FBXL7: variants seen among roughly 807,000 people sequenced by gnomAD.
FBXL7 encodes the protein F-box/LRR-repeat protein 7.
FBXL7 carries 12 observed loss-of-function variants against 38.3 expected under a neutral mutation model. That is an observed-to-expected ratio of 0.31 (90% CI 0.20 to 0.51). The LOEUF (loss-of-function observed/expected upper bound fraction) is 0.51, where lower values mean the gene tolerates loss of function less well. Among genes scored for constraint, FBXL7 ranks in the 20% least tolerant of loss-of-function variants. The probability of loss-of-function intolerance (pLI) is 0.98; values close to 1 mark genes in which losing one functional copy is unlikely to be tolerated. For missense variants in FBXL7, 567 were observed against 676.4 expected, an observed-to-expected ratio of 0.84 and a Z score of 1.79; for synonymous variants, 297 against 300.9, an observed-to-expected ratio of 0.99 and a Z score of 0.13.
intron 2 of FBXL7, among the ~76,000 whole-genome samples, chr5:15,783,776 G>T (rs1737062374): frequency 6.6e-6 from 1 of 152,170 alleles, no homozygotes; most frequent in South Asian, 2.1e-4. Flanking sequence ...ATGGGTGCTG[G>T]ATTATTGATA....
intron 2 of FBXL7, among the ~76,000 whole-genome samples, chr5:15,745,232 A>T (rs1394252122): frequency 6.6e-6 from 1 of 152,212 alleles, no homozygotes; most frequent in Non-Finnish European, 1.5e-5. Context: ...TTTCTCAAAA[A>T]AAAGGAATAA....
chr5:15,649,403 T>C (rs1229017513), intron 2 of FBXL7, among the ~76,000 whole-genome samples: 1 of 152,204 alleles, frequency 6.6e-6, no homozygotes, highest in African/African-American at 2.4e-5. Context: ...AAGTTATTAA[T>C]GTAGACAAGT....
rs536938263 is a variant in FBXL7 at position 15,586,430 on chromosome 5, G to A, written c.38-29553G>A. On this transcript the variant is annotated intron_variant, in intron 1 of 3. Transcript: ENST00000504595. ...CTCCTTTTCTTTCCCAAAGCACAAAGTGATGGGTTGGAATGGAAACATATA... is the reference window on the plus strand; with the variant it reads ...CTCCTTTTCTTTCCCAAAGCACAAAATGATGGGTTGGAATGGAAACATATA... Among the ~76,000 whole-genome samples, 16 of 150,720 alleles carry A rather than the reference G, an allele frequency of 1.1e-4. No homozygotes were observed. In the East Asian group the frequency reaches 3.2e-3, roughly 30 times the overall value.
intron 1 of FBXL7, among the ~76,000 whole-genome samples, chr5:15,506,000 T>G (rs1339481537): frequency 6.6e-6 from 1 of 152,190 alleles, no homozygotes; most frequent in Non-Finnish European, 1.5e-5. Flanking sequence ...GCTCTAACTT[T>G]TACAGTTTGA....
intron 2 of FBXL7, among the ~76,000 whole-genome samples, chr5:15,788,863 T>C (rs1357326272): frequency 2.6e-5 from 4 of 151,478 alleles, no homozygotes; most frequent in Non-Finnish European, 4.4e-5. Flanking sequence ...TATTTTTTTT[T>C]TTTTTTTTGA....
Position 15,767,966 on chromosome 5 carries a change from A to G in FBXL7, c.127+151894A>G, listed in dbSNP as rs111464343. On this transcript the variant is annotated intron_variant, in intron 2 of 3. Coordinates refer to ENST00000504595, the MANE Select transcript of FBXL7 (RefSeq NM_012304.5). ...ATGTTTGCTTCAAGAAAAATTTACT[A>G]CTTTTGTCATGTAGTAAATTTGTCA... Among the ~76,000 whole-genome samples the G allele has an allele frequency of 1.7e-3, 252 of 152,254 alleles. 1 individual carries two copies. Among genetic ancestry groups the G allele is most frequent in the African/African-American group, 5.6e-3 (232 of 41,540 alleles).
intron 2 of FBXL7, among the ~76,000 whole-genome samples, chr5:15,858,283 C>T (rs1398453442): frequency 2.6e-5 from 4 of 151,354 alleles, no homozygotes; most frequent in African/African-American, 9.7e-5. Context: ...ATCATTCAAA[C>T]ATTTTATCTA....
chr5:15,842,126 A>G (rs547072496), intron 2 of FBXL7, among the ~76,000 whole-genome samples: 1 of 152,182 alleles, frequency 6.6e-6, no homozygotes, highest in Non-Finnish European at 1.5e-5. Flanking sequence ...CAGACACTCA[A>G]CGCCATCAGT....
intron 2 of FBXL7, among the ~76,000 whole-genome samples, chr5:15,890,006 A>G (rs1740834258): frequency 1.3e-5 from 2 of 152,154 alleles, no homozygotes; most frequent in South Asian, 2.1e-4. Context: ...TGACTTTAGA[A>G]TGAAAGAAAA....
chr5:15,773,020 G>A (rs143023590), intron 2 of FBXL7, among the ~76,000 whole-genome samples: 6 of 151,928 alleles, frequency 3.9e-5, no homozygotes, highest in Non-Finnish European at 5.9e-5. Flanking sequence ...TGAGCCTCCC[G>A]AGCAGCTAGA....
At chr5:15,898,911 T>C (rs1013133852) in intron 2 of FBXL7, among the ~76,000 whole-genome samples, 2 of 152,170 alleles carry the variant, frequency 1.3e-5, no homozygotes, top group African/African-American at 4.8e-5. Flanking sequence ...CAAGGATTTT[T>C]TTTTTCCTCC....
At chr5:15,778,194 A>G (rs1401009364) in intron 2 of FBXL7, among the ~76,000 whole-genome samples, 1 of 152,040 alleles carries the variant, frequency 6.6e-6, no homozygotes, top group African/African-American at 2.4e-5. Flanking sequence ...GGTATCATCA[A>G]AGGCTGTTTC....
rs770961272 is a variant in FBXL7 at position 15,937,483 on chromosome 5, C to G, written c.*297C>G. On this transcript the variant is annotated 3_prime_UTR_variant, in exon 4 of 4. Coordinates refer to ENST00000504595, the MANE Select transcript of FBXL7 (RefSeq NM_012304.5). Reference sequence around the variant, plus strand: ...TTCCTTGAGCAAGGCGCTTACTCTCCTCCGCTCAGGCCCCCAAGGCCGCCC... The same window carrying G: ...TTCCTTGAGCAAGGCGCTTACTCTCGTCCGCTCAGGCCCCCAAGGCCGCCC... 9 of 320,918 alleles carry G rather than the reference C, an allele frequency of 2.8e-5. No individual in the cohort carries two copies. The highest frequency in any genetic ancestry group is 4.6e-5 in the Non-Finnish European group (8 of 173,608). The allele number at this position is 320,918 out of a possible 1,614,324, so 19.9% of individuals were successfully genotyped here.
chr5:15,912,476 AC>A (rs1421967662), intron 2 of FBXL7, among the ~76,000 whole-genome samples: 4 of 149,592 alleles, frequency 2.7e-5, no homozygotes, highest in Admixed American at 6.6e-5. Flanking sequence ...TGCAGAAATC[AC>A]CCGTCTTCTG....
intron 2 of FBXL7, among the ~76,000 whole-genome samples, chr5:15,875,113 A>G (rs1428105293): frequency 6.6e-6 from 1 of 152,078 alleles, no homozygotes; most frequent in Non-Finnish European, 1.5e-5. Flanking sequence ...AACGTCACAC[A>G]TCTACACACA....
chr5:15,501,959 TA>T (rs943453839), intron 1 of FBXL7, among the ~76,000 whole-genome samples: 3 of 151,880 alleles, frequency 2.0e-5, no homozygotes, highest in African/African-American at 7.3e-5. Flanking sequence ...ATTTTTTTTT[TA>T]AAGTTAAAGG....
chr5:15,698,829 T>C (rs1743429034), intron 2 of FBXL7, among the ~76,000 whole-genome samples: 1 of 152,212 alleles, frequency 6.6e-6, no homozygotes, highest in African/African-American at 2.4e-5. Context: ...CGAATCAAAT[T>C]AATCAGGAAA....
intron 1 of FBXL7, among the ~76,000 whole-genome samples, chr5:15,576,907 T>C (rs765688796): frequency 7.2e-5 from 11 of 152,208 alleles, no homozygotes; most frequent in Non-Finnish European, 1.2e-4. Flanking sequence ...GAGGAGGCAT[T>C]TTCTGATCAT....
chr5:15,774,034 CA>C (rs982048751), intron 2 of FBXL7, among the ~76,000 whole-genome samples: 128 of 150,030 alleles, frequency 8.5e-4, no homozygotes, highest in African/African-American at 1.5e-3. Context: ...AATTTAATGA[CA>C]AAAAAAAACC....
Sources: allele counts gnomAD v4.1 joint callset (sites outside exome capture counted in the v4.1 genomes callset), GRCh38; gene constraint gnomAD v4.1.1; transcripts MANE v1.5; gene names NCBI Gene and HGNC (gene_info 2026-07-23, HGNC 2026-07-21).